Variants in ARHGAP26 observed in about 807,000 individuals in gnomAD.
The protein encoded by ARHGAP26 is rho GTPase-activating protein 26.
Under a neutral mutation model 104.8 loss-of-function variants are expected in ARHGAP26, and 38 were observed. The ratio of observed to expected loss-of-function variants is 0.36; its 90% CI spans 0.28 to 0.48. The LOEUF is 0.48. Ranked by LOEUF, ARHGAP26 falls within the 20% of genes least tolerant of loss-of-function variation. ARHGAP26 has a pLI of 0.99. For synonymous variants in ARHGAP26, 341 were observed against 340.0 expected (o/e 1.00, Z -0.03); for missense variants, 704 against 947.9 (o/e 0.74, Z 3.38).
At chr5:142,932,169 A>G in intron 11 of ARHGAP26, 44 bp downstream of exon 11, 6 of 1,578,996 alleles carry the variant, frequency 3.8e-6, no homozygotes, top group Non-Finnish European at 5.2e-6. Flanking sequence ...GAAGGCCCTG[A>G]GTTGTTTGTT....
At position 142,781,413 on chromosome 5, in the gene ARHGAP26, A is replaced by G. The variant is rs575996024; in HGVS notation, c.154+10498A>G. On this transcript the variant is annotated intron_variant, in intron 1 of 22. Transcript: ENST00000645722. ...ATAATTATTAAATCATAATCATTACATTGAAAAGTATTTGTCATTGTATTG... is the reference window on the plus strand; with the variant it reads ...ATAATTATTAAATCATAATCATTACGTTGAAAAGTATTTGTCATTGTATTG... 2.0e-5 allele frequency among the ~76,000 whole-genome samples: 3 copies of G among 152,324 alleles called. No individual in the cohort carries two copies. The East Asian group carries it at 5.8e-4, about 29-fold the overall frequency.
intron 22 of ARHGAP26, among the ~76,000 whole-genome samples, chr5:143,215,163 G>C (rs1029145896): frequency 2.0e-5 from 3 of 152,234 alleles, no homozygotes; most frequent in Non-Finnish European, 4.4e-5. Context: ...CGTTGCTTGG[G>C]CTTCTGCCCC....
chr5:143,180,125 CT>C (rs1307801415), intron 20 of ARHGAP26, among the ~76,000 whole-genome samples: 1 of 151,840 alleles, frequency 6.6e-6, no homozygotes, highest in African/African-American at 2.4e-5. Flanking sequence ...AATTCTCTCT[CT>C]TTTTTTTGTT....
At chr5:143,153,686 C>T (rs1800117105) in intron 20 of ARHGAP26, among the ~76,000 whole-genome samples, 1 of 152,200 alleles carries the variant, frequency 6.6e-6, no homozygotes, top group African/African-American at 2.4e-5. Flanking sequence ...GGAACCCAAC[C>T]TTGGAGTTCT....
intron 15 of ARHGAP26, among the ~76,000 whole-genome samples, chr5:143,054,742 A>C (rs759993658): frequency 1.7e-4 from 26 of 152,246 alleles, no homozygotes; most frequent in Non-Finnish European, 3.1e-4. Flanking sequence ...TGAGTGATTT[A>C]GGAAACTTTG....
intron 20 of ARHGAP26, among the ~76,000 whole-genome samples, chr5:143,181,487 C>T (rs180709567): frequency 1.3e-5 from 2 of 152,276 alleles, no homozygotes; most frequent in East Asian, 1.9e-4. Context: ...AGAACTCTCG[C>T]GTGTTAGGGA....
intron 17 of ARHGAP26, among the ~76,000 whole-genome samples, chr5:143,082,319 T>C (rs1789951050): frequency 1.3e-5 from 2 of 152,154 alleles, no homozygotes; most frequent in Non-Finnish European, 2.9e-5. Flanking sequence ...GTCACAAAAA[T>C]ATGGAGTTGT....
At chr5:142,874,580 T>C (rs1396998842) in intron 2 of ARHGAP26, among the ~76,000 whole-genome samples, 1 of 152,208 alleles carries the variant, frequency 6.6e-6, no homozygotes, top group Admixed American at 6.5e-5. Context: ...AAGACGACTG[T>C]TCATGTATGA....
At chr5:142,976,792 A>G (rs777826473) in intron 11 of ARHGAP26, among the ~76,000 whole-genome samples, 7 of 152,234 alleles carry the variant, frequency 4.6e-5, no homozygotes, top group Non-Finnish European at 1.0e-4. Flanking sequence ...TATGTGAACT[A>G]GAGAATTTAG....
chr5:143,060,753 C>T (rs537305458), intron 17 of ARHGAP26, among the ~76,000 whole-genome samples: 20 of 151,990 alleles, frequency 1.3e-4, no homozygotes, highest in African/African-American at 2.9e-4. Flanking sequence ...CAGTCAGGCT[C>T]GCTGCCTGGG....
At chr5:143,081,317 G>A (rs915972559) in intron 17 of ARHGAP26, among the ~76,000 whole-genome samples, 3 of 152,132 alleles carry the variant, frequency 2.0e-5, no homozygotes, top group African/African-American at 7.2e-5. Context: ...GAACAGCCTG[G>A]GATCAGAGCA....
rs186106444 is a variant in ARHGAP26, at chr5:143,128,580, G to A, written c.1699-5387G>A. On this transcript the variant is annotated intron_variant, in intron 18 of 22. Transcript: ENST00000645722. ...GCTTCTTAACAGTTACAATACATAA[G>A]CCCTGCTAAGACTTGCCTGGCTTCC... Among the ~76,000 whole-genome samples, 381 of 152,210 alleles carry A rather than the reference G, an allele frequency of 2.5e-3. 3 individuals are homozygous for A. Among genetic ancestry groups the A allele is most frequent in the Admixed American group, 7.1e-3 (108 of 15,274 alleles).
At chr5:142,821,215 A>G (rs905084432) in intron 1 of ARHGAP26, among the ~76,000 whole-genome samples, 4 of 151,988 alleles carry the variant, frequency 2.6e-5, no homozygotes, top group African/African-American at 4.8e-5. Context: ...ACATGGGCCA[A>G]AGTGATCAAA....
intron 1 of ARHGAP26, among the ~76,000 whole-genome samples, chr5:142,831,016 C>T (rs991972815): frequency 6.6e-6 from 1 of 152,156 alleles, no homozygotes; most frequent in African/African-American, 2.4e-5. Context: ...TATAATAGCA[C>T]CTACCCTGTA....
chr5:143,176,328 T>G (rs1803471124), intron 20 of ARHGAP26, among the ~76,000 whole-genome samples: 2 of 152,346 alleles, frequency 1.3e-5, no homozygotes, highest in East Asian at 3.9e-4. Flanking sequence ...ATTTATGAAC[T>G]GACGTTCACT....
chr5:143,203,756 C>A (rs1019468391), intron 20 of ARHGAP26: 1 of 151,648 alleles, frequency 6.6e-6, no homozygotes, highest in Non-Finnish European at 1.5e-5. Flanking sequence ...AAAAGGATGA[C>A]TTCATGTCCT....
chr5:143,222,529 C>T lies in ARHGAP26; in HGVS notation c.*83C>T. ...CCAGTGTCGAGGCCATTTCTCTTTG[C>T]CACTGAGAAATGCAGCGTGACTGAC... is the stretch of plus-strand genomic sequence containing the variant. On this transcript the variant is annotated 3_prime_UTR_variant, in exon 23 of 23. Coordinates refer to ENST00000645722, the MANE Select transcript of ARHGAP26 (RefSeq NM_001135608.3). 1 of 1,150,296 alleles carries T rather than the reference C, an allele frequency of 8.7e-7. No individual in the cohort carries two copies. The highest frequency in any genetic ancestry group is 1.2e-6 in the Non-Finnish European group (1 of 826,164). 71.3% of individuals were successfully genotyped at this position (1,150,296 alleles called of 1,614,324 possible).
At position 143,165,999 on chromosome 5, in the gene ARHGAP26, AT is replaced by A. The variant is rs1193587727; in HGVS notation, c.1988+18620del. The A allele has an allele frequency of 3.8e-6, 5 of 1,308,342 alleles. No homozygotes were observed. In the East Asian group the frequency reaches 2.3e-4, roughly 59 times the overall value. The allele number at this position is 1,308,342 out of a possible 1,614,324, so 81.0% of individuals were successfully genotyped here. ...GGCTCAGTAAAAGTTACCTGCCGTA[AT>A]TATGGTCATCGTTGCTCTTTTAACA... is the stretch of plus-strand genomic sequence containing the variant. On this transcript the variant is annotated intron_variant, in intron 20 of 22. Transcript: ENST00000645722.
At chr5:142,937,797 A>T (rs936932121) in intron 11 of ARHGAP26, among the ~76,000 whole-genome samples, 17 of 144,476 alleles carry the variant, frequency 1.2e-4, no homozygotes, top group Admixed American at 2.2e-4. Flanking sequence ...CTCAAAAAAA[A>T]ATATACTTTA....
Sources: allele counts gnomAD v4.1 joint callset (sites outside exome capture counted in the v4.1 genomes callset), GRCh38; gene constraint gnomAD v4.1.1; transcripts MANE v1.5; gene names NCBI Gene and HGNC (gene_info 2026-07-23, HGNC 2026-07-21).